DCAF8L2: variants seen among roughly 807,000 people sequenced by gnomAD.
DCAF8L2 encodes DDB1 and CUL4 associated factor 8 like 2, also known as DDB1- and CUL4-associated factor 8-like protein 2.
For missense variants in DCAF8L2, 430 were observed against 490.7 expected (o/e 0.88, Z 1.17); for synonymous variants, 200 against 190.9 (o/e 1.05, Z -0.39).
In DCAF8L2 at chrX:27,651,039, T is replaced by C. The variant is rs188189328; in HGVS notation, c.-220+19039T>C. ...GAGTTTATCAAAAGCTTTTACCACA[T>C]CTATTGAGATGATCATATGATTTTT... is the stretch of plus-strand genomic sequence containing the variant. On this transcript the variant is annotated intron_variant, in intron 2 of 4. Coordinates refer to ENST00000451261, the MANE Select transcript of DCAF8L2 (RefSeq NM_001353450.2). 4.5e-5 allele frequency among the ~76,000 whole-genome samples: 5 copies of C among 112,197 alleles called. No individual in the cohort carries two copies. In the East Asian group the frequency reaches 1.4e-3, roughly 31 times the overall value.
chrX:27,717,224 T>C (rs186047768), intron 4 of DCAF8L2, among the ~76,000 whole-genome samples: 2 of 112,556 alleles, frequency 1.8e-5, no homozygotes, highest in African/African-American at 6.5e-5. Context: ...AATAGAATGA[T>C]TTACATTCCT....
At chrX:27,605,373 A>G (rs770070870) in intron 1 of DCAF8L2, among the ~76,000 whole-genome samples, 1 of 111,321 alleles carries the variant, frequency 9.0e-6, no homozygotes. Flanking sequence ...AATTGAAGAA[A>G]CTTTTGTGAA....
At chrX:27,561,057 G>T in the DCAF8L2 span, among the ~76,000 whole-genome samples, 4 of 112,219 alleles carry the variant, frequency 3.6e-5, no homozygotes, top group Non-Finnish European at 7.5e-5. Flanking sequence ...TGTGAAATAT[G>T]CTGCTTTTAG....
intron 4 of DCAF8L2, among the ~76,000 whole-genome samples, chrX:27,734,246 T>C (rs898806385): frequency 1.8e-5 from 2 of 111,012 alleles, no homozygotes; most frequent in Middle Eastern, 4.7e-3. Flanking sequence ...GAAGTAAAAA[T>C]ATCGCTGTTT....
intron 4 of DCAF8L2, among the ~76,000 whole-genome samples, chrX:27,742,568 C>G (rs1602812321): frequency 1.0e-5 from 1 of 95,403 alleles, no homozygotes; most frequent in African/African-American, 3.9e-5. Context: ...GACTCCATCT[C>G]AAAAACAAAA....
chrX:27,665,406 CTTA>C (rs1465454919), intron 2 of DCAF8L2, among the ~76,000 whole-genome samples: 2 of 111,385 alleles, frequency 1.8e-5, no homozygotes, highest in Non-Finnish European at 3.8e-5. Flanking sequence ...TGAAGAATTA[CTTA>C]TTATGGATGA....
At chrX:27,650,062 C>T (rs1436637582) in intron 2 of DCAF8L2, among the ~76,000 whole-genome samples, 3 of 111,829 alleles carry the variant, frequency 2.7e-5, no homozygotes, top group African/African-American at 9.7e-5. Flanking sequence ...GAGCACTTCC[C>T]TCATAGGCTT....
the DCAF8L2 span, among the ~76,000 whole-genome samples, chrX:27,507,861 G>A: frequency 9.0e-6 from 1 of 111,195 alleles, no homozygotes. Context: ...CTGACAGTTT[G>A]TATAATATAA....
intron 1 of DCAF8L2, among the ~76,000 whole-genome samples, chrX:27,625,560 G>A (rs1038323327): frequency 8.9e-6 from 1 of 112,092 alleles, no homozygotes; most frequent in Non-Finnish European, 1.9e-5. Context: ...ACACACACAT[G>A]TTAGTTCATT....
chrX:27,480,991 C>G, the DCAF8L2 span, among the ~76,000 whole-genome samples: 1 of 111,690 alleles, frequency 9.0e-6, no homozygotes, highest in African/African-American at 3.3e-5. Context: ...ACTTCAAGGT[C>G]GATGTTGTTG....
the DCAF8L2 span, among the ~76,000 whole-genome samples, chrX:27,569,001 T>G: frequency 1.0e-5 from 1 of 96,441 alleles, no homozygotes; most frequent in African/African-American, 4.0e-5. Context: ...ACACACAGAG[T>G]TAATTTTTAA....
the DCAF8L2 span, among the ~76,000 whole-genome samples, chrX:27,502,330 AAAAAAATATATATATATATATATATAT>A: frequency 1.7e-4 from 6 of 35,075 alleles, no homozygotes; most frequent in South Asian, 2.2e-3. Context: ...AAAAAAAAAA[AAAAAAATATATATATATATATATATAT>A]ATATATATAT....
intron 3 of DCAF8L2, among the ~76,000 whole-genome samples, chrX:27,701,426 T>G (rs1255486291): frequency 9.0e-6 from 1 of 111,262 alleles, no homozygotes; most frequent in Non-Finnish European, 1.9e-5. Flanking sequence ...CAGAATACAT[T>G]CTTCTCAAGC....
At chrX:27,551,527 T>C in the DCAF8L2 span, among the ~76,000 whole-genome samples, 1 of 111,688 alleles carries the variant, frequency 9.0e-6, no homozygotes, top group Non-Finnish European at 1.9e-5. Flanking sequence ...ATTTAAATAT[T>C]TACTTTGTTG....
intron 1 of DCAF8L2, among the ~76,000 whole-genome samples, chrX:27,598,058 A>G (rs1309966121): frequency 8.9e-6 from 1 of 112,456 alleles, no homozygotes; most frequent in Non-Finnish European, 1.9e-5. Flanking sequence ...TAATTATACT[A>G]TCAATGACTG....
chrX:27,504,705 A>C, the DCAF8L2 span, among the ~76,000 whole-genome samples: 12 of 110,682 alleles, frequency 1.1e-4, no homozygotes, highest in Admixed American at 8.6e-4. Context: ...ACTGACTCAT[A>C]GTAGCAAACA....
chrX:27,709,594 G>A (rs1931456053), intron 3 of DCAF8L2, among the ~76,000 whole-genome samples: 1 of 111,757 alleles, frequency 8.9e-6, no homozygotes. Context: ...AGGCCTACTT[G>A]GATAATCTAG....
At chrX:27,681,609 T>G (rs1460796906) in intron 3 of DCAF8L2, among the ~76,000 whole-genome samples, 1 of 112,387 alleles carries the variant, frequency 8.9e-6, no homozygotes, top group African/African-American at 3.2e-5. Flanking sequence ...GTAATACATT[T>G]TGCTTAAGAG....
the DCAF8L2 span, among the ~76,000 whole-genome samples, chrX:27,505,028 T>C: frequency 1.8e-5 from 2 of 111,773 alleles, no homozygotes; most frequent in African/African-American, 6.5e-5. Context: ...AATAGTTATT[T>C]TCACTGATAT....
Sources: allele counts gnomAD v4.1 joint callset (sites outside exome capture counted in the v4.1 genomes callset), GRCh38; gene constraint gnomAD v4.1.1; transcripts MANE v1.5; gene names NCBI Gene and HGNC (gene_info 2026-07-23, HGNC 2026-07-21).